ANKRD30BL: variants seen among roughly 807,000 people sequenced by gnomAD.
The protein encoded by ANKRD30BL is putative ankyrin repeat domain-containing protein 30B-like.
Under a neutral mutation model 18.4 loss-of-function variants are expected in ANKRD30BL, and 20 were observed. That is an observed-to-expected ratio of 1.09 (90% CI 0.77 to 1.58). The LOEUF is 1.58. Ranked by LOEUF, ANKRD30BL falls within the 40% of genes most tolerant of loss-of-function variation. The pLI is 0.00. For synonymous variants in ANKRD30BL, 72 were observed against 100.9 expected (o/e 0.71, Z 1.72); for missense variants, 224 against 268.6 (o/e 0.83, Z 1.16).
intron 1 of ANKRD30BL, among the ~76,000 whole-genome samples, chr2:132,219,330 A>G (rs552776435): frequency 6.6e-6 from 1 of 151,910 alleles, no homozygotes; most frequent in African/African-American, 2.4e-5. Flanking sequence ...TAATCACTAG[A>G]CAGAAGCTTT....
intron 1 of ANKRD30BL, among the ~76,000 whole-genome samples, chr2:132,231,751 G>A (rs1052139684): frequency 2.0e-5 from 3 of 152,264 alleles, no homozygotes; most frequent in East Asian, 1.9e-4. Context: ...AGGTGGCAGC[G>A]AGGCTGGGGG....
At chr2:132,234,878 A>G (rs1378641162) in intron 1 of ANKRD30BL, among the ~76,000 whole-genome samples, 1 of 152,186 alleles carries the variant, frequency 6.6e-6, no homozygotes, top group African/African-American at 2.4e-5. Flanking sequence ...GCAGAGACAC[A>G]ACCAAAAAAG....
intron 1 of ANKRD30BL, among the ~76,000 whole-genome samples, chr2:132,239,690 G>T (rs1407825889): frequency 2.0e-5 from 3 of 151,900 alleles, no homozygotes; most frequent in Admixed American, 6.6e-5. Flanking sequence ...TGTGATGTTT[G>T]CATTCTTCTC....
At chr2:132,175,367 T>C (rs549835087) in intron 1 of ANKRD30BL, among the ~76,000 whole-genome samples, 1,595 of 152,332 alleles carry the variant, frequency 0.01, 10 homozygotes, top group South Asian at 0.022. Context: ...TGTTTCTCTC[T>C]GCCCAAACAT....
Position 132,238,719 on chromosome 2 carries a change from A to G in ANKRD30BL, n.441+18810T>C, listed in dbSNP as rs554396955. ...TCTTTTGATAGAGCAGTTTTGAAACACTCATTTTTTAAAAATCTGCAAGTG... is the reference window on the plus strand; with the variant it reads ...TCTTTTGATAGAGCAGTTTTGAAACGCTCATTTTTTAAAAATCTGCAAGTG... On this transcript the variant is annotated intron_variant and non_coding_transcript_variant, in intron 1 of 4. Transcript: ENST00000470729. Among the ~76,000 whole-genome samples, 57 of 151,692 alleles carry G rather than the reference A, an allele frequency of 3.8e-4. 1 individual carries two copies. Among genetic ancestry groups the G allele is most frequent in the Admixed American group, 3.3e-3 (50 of 15,154 alleles).
intron 1 of ANKRD30BL, among the ~76,000 whole-genome samples, chr2:132,247,118 CTT>C (rs1236134068): frequency 1.3e-5 from 2 of 150,892 alleles, no homozygotes; most frequent in Non-Finnish European, 3.0e-5. Flanking sequence ...ATTTGGAGCT[CTT>C]TGAGGCCTAT....
chr2:132,236,516 A>G (rs1325415626), intron 1 of ANKRD30BL, among the ~76,000 whole-genome samples: 1 of 152,194 alleles, frequency 6.6e-6, no homozygotes, highest in African/African-American at 2.4e-5. Context: ...CAAAAAACAC[A>G]TGAAAAAATG....
chr2:132,177,276 C>T (rs747038817), intron 1 of ANKRD30BL, among the ~76,000 whole-genome samples: 5 of 152,110 alleles, frequency 3.3e-5, no homozygotes, highest in African/African-American at 4.8e-5. Context: ...GCCTCAGCCT[C>T]CTGAGTAGCT....
chr2:132,256,432 C>A (rs963567542), intron 1 of ANKRD30BL, among the ~76,000 whole-genome samples: 16 of 152,320 alleles, frequency 1.1e-4, no homozygotes, highest in African/African-American at 2.9e-4. Context: ...ACCGCCCGAC[C>A]CGTGTGCGGC....
intron 1 of ANKRD30BL, among the ~76,000 whole-genome samples, chr2:132,172,746 C>T (rs1005841368): frequency 7.4e-5 from 11 of 149,320 alleles, no homozygotes; most frequent in African/African-American, 2.2e-4. Context: ...CTTACTCTGT[C>T]GCCCAGGCTG....
intron 1 of ANKRD30BL, among the ~76,000 whole-genome samples, chr2:132,200,761 C>T (rs920034974): frequency 2.0e-5 from 3 of 152,112 alleles, no homozygotes; most frequent in Non-Finnish European, 4.4e-5. Context: ...ATCAAGCTAC[C>T]AATGACTTTC....
chr2:132,214,896 C>T (rs1450719776), intron 1 of ANKRD30BL, among the ~76,000 whole-genome samples: 1 of 152,112 alleles, frequency 6.6e-6, no homozygotes, highest in Admixed American at 6.6e-5. Flanking sequence ...TGTGTGCATT[C>T]ATCTCACAGA....
intron 1 of ANKRD30BL, among the ~76,000 whole-genome samples, chr2:132,191,271 A>G (rs1306408413): frequency 2.0e-5 from 3 of 152,166 alleles, no homozygotes; most frequent in South Asian, 2.1e-4. Context: ...ATTTTATTCT[A>G]TTGTATGGAA....
chr2:132,247,876 A>G (rs1247174324), intron 1 of ANKRD30BL, among the ~76,000 whole-genome samples: 2 of 152,244 alleles, frequency 1.3e-5, no homozygotes, highest in Non-Finnish European at 2.9e-5. Flanking sequence ...AGAGTAATAC[A>G]CATGTCAGAA....
intron 4 of ANKRD30BL, among the ~76,000 whole-genome samples, chr2:132,154,088 C>T (rs1190587451): frequency 6.6e-6 from 1 of 152,056 alleles, no homozygotes; most frequent in Admixed American, 6.6e-5. Flanking sequence ...ATAATATTGT[C>T]CTGAGTACCT....
chr2:132,175,482 G>A (rs141643705), intron 1 of ANKRD30BL, among the ~76,000 whole-genome samples: 5,849 of 152,258 alleles, frequency 0.038, 379 homozygotes, highest in African/African-American at 0.13. Context: ...ATGTAAAATC[G>A]GGTATTATAC....
intron 1 of ANKRD30BL, among the ~76,000 whole-genome samples, chr2:132,242,717 T>C (rs1680372356): frequency 4.0e-5 from 6 of 151,502 alleles, no homozygotes. Context: ...TAGCTTCACA[T>C]AAAAGCTACA....
chr2:132,204,004 A>G (rs1481801141), intron 1 of ANKRD30BL, among the ~76,000 whole-genome samples: 1 of 152,316 alleles, frequency 6.6e-6, no homozygotes, highest in Non-Finnish European at 1.5e-5. Context: ...TTGTTTTCAA[A>G]TGAGAGTTAT....
chr2:132,195,983 T>C (rs571595107), intron 1 of ANKRD30BL, among the ~76,000 whole-genome samples: 19 of 149,902 alleles, frequency 1.3e-4, no homozygotes, highest in African/African-American at 4.1e-4. Flanking sequence ...CTACTAAAAA[T>C]ACAAAAAAAT....
Sources: gnomAD v4.1 joint callset for allele counts (sites outside exome capture counted in the v4.1 genomes callset) on GRCh38, gnomAD v4.1.1 for gene constraint, MANE v1.5 for transcripts, NCBI Gene and HGNC (gene_info 2026-07-23, HGNC 2026-07-21) for gene names.